The following CEP170 variants were observed in gnomAD, a reference collection of about 807,000 sequenced individuals.
CEP170 encodes the protein centrosomal protein 170.
A neutral mutation model predicts 151.9 loss-of-function variants in CEP170; 21 were observed. The observed-to-expected ratio is 0.14, with a 90% CI of 0.10 to 0.20. CEP170 has a LOEUF of 0.20. Ranked by LOEUF, CEP170 falls within the 10% of genes least tolerant of loss-of-function variation. CEP170 has a pLI of 1.00. For missense variants in CEP170, 964 were observed against 1,892.9 expected, an observed-to-expected ratio of 0.51 and a Z score of 9.11; for synonymous variants, 356 against 648.8, an observed-to-expected ratio of 0.55 and a Z score of 6.86.
chr1:243,163,093 T>C (rs2058192465), intron 13 of CEP170: 1 of 152,124 alleles, frequency 6.6e-6, no homozygotes, highest in Admixed American at 6.6e-5. Context: ...TACAGGTGAA[T>C]GGAGTGGAGG....
In CEP170 at chr1:243,132,361, C is replaced by A. The variant is rs1265711528; in HGVS notation, c.4320-2908G>T. On this transcript the variant is annotated intron_variant, in intron 17 of 19. Transcript: ENST00000366542. ...TTGCCTTTATATCTCTAACTGAGCACTAATCTATTATACGCTATCTTGTAC... is the reference window on the plus strand; with the variant it reads ...TTGCCTTTATATCTCTAACTGAGCAATAATCTATTATACGCTATCTTGTAC... Among the ~76,000 whole-genome samples, 3 of 152,304 alleles carry A rather than the reference C, an allele frequency of 2.0e-5. No individual in the cohort carries two copies. The East Asian group carries it at 5.8e-4, about 29-fold the overall frequency.
chr1:243,242,714 T>C (rs576184091), intron 1 of CEP170, among the ~76,000 whole-genome samples: 3 of 152,150 alleles, frequency 2.0e-5, no homozygotes, highest in East Asian at 1.9e-4. Context: ...TTTTTTTTTT[T>C]CTCCAAGACG....
chr1:243,251,441 C>T (rs898438374), intron 1 of CEP170, among the ~76,000 whole-genome samples: 2 of 152,132 alleles, frequency 1.3e-5, no homozygotes, highest in African/African-American at 2.4e-5. Context: ...GAATGTGTAA[C>T]GCAGAGGCAA....
intron 16 of CEP170, among the ~76,000 whole-genome samples, chr1:243,137,157 A>G (rs1478039406): frequency 6.6e-6 from 1 of 152,248 alleles, no homozygotes; most frequent in African/African-American, 2.4e-5. Context: ...CTTTTACAAA[A>G]CAAGTGACAG....
chr1:243,202,129 T>G (rs1327839892), intron 4 of CEP170, among the ~76,000 whole-genome samples: 1 of 152,056 alleles, frequency 6.6e-6, no homozygotes, highest in Non-Finnish European at 1.5e-5. Flanking sequence ...TAAAAAAGAA[T>G]GAAATAGTGT....
At chr1:243,249,463 T>C (rs931958818) in intron 1 of CEP170, among the ~76,000 whole-genome samples, 1 of 151,616 alleles carries the variant, frequency 6.6e-6, no homozygotes, top group Non-Finnish European at 1.5e-5. Context: ...ATAAAGTTCA[T>C]TGAAGAATAC....
intron 16 of CEP170, 199 bp from the exon 17 acceptor site, chr1:243,136,430 A>C: frequency 1.6e-6 from 1 of 610,714 alleles, no homozygotes; most frequent in South Asian, 2.6e-5. Flanking sequence ...AGGAGTTCTT[A>C]TTATTAAATA....
chr1:243,198,128 T>A (rs2148817645), intron 7 of CEP170, among the ~76,000 whole-genome samples: 1 of 152,178 alleles, frequency 6.6e-6, no homozygotes, highest in South Asian at 2.1e-4. Context: ...GACTTAGTCT[T>A]CCATACTGAG....
At chr1:243,162,581 T>C (rs1170844352) in intron 13 of CEP170, among the ~76,000 whole-genome samples, 2 of 152,224 alleles carry the variant, frequency 1.3e-5, no homozygotes, top group African/African-American at 2.4e-5. Context: ...AATCTGTCTT[T>C]ATATATAGCA....
At chr1:243,155,004 G>A (rs554335494) in intron 14 of CEP170, among the ~76,000 whole-genome samples, 2 of 152,156 alleles carry the variant, frequency 1.3e-5, no homozygotes, top group Non-Finnish European at 1.5e-5. Context: ...GCAGCGCCTG[G>A]AAGTACAAAA....
intron 10 of CEP170, among the ~76,000 whole-genome samples, chr1:243,182,529 C>T (rs2059687522): frequency 6.6e-6 from 1 of 152,080 alleles, no homozygotes; most frequent in African/African-American, 2.4e-5. Context: ...CCATACTTCA[C>T]ACTTCTGACA....
intron 1 of CEP170, among the ~76,000 whole-genome samples, chr1:243,227,871 C>T (rs1572493836): frequency 1.3e-5 from 2 of 152,176 alleles, no homozygotes; most frequent in African/African-American, 4.8e-5. Flanking sequence ...GAGAATGGGG[C>T]TTGGTCATTA....
intron 12 of CEP170, 142 bp downstream of exon 12, chr1:243,169,486 C>T: frequency 6.8e-7 from 1 of 1,472,738 alleles, no homozygotes; most frequent in Non-Finnish European, 9.1e-7. Context: ...TAACTTACTT[C>T]TTACTATATA....
At chr1:243,243,981 A>AT (rs1308242592) in intron 1 of CEP170, among the ~76,000 whole-genome samples, 2 of 152,268 alleles carry the variant, frequency 1.3e-5, no homozygotes, top group East Asian at 1.9e-4. Context: ...CAGTATGTTC[A>AT]TTTTTTAACT....
rs1462256859 is a variant in CEP170, at chr1:243,165,784, C to T, written c.2176G>A (p.Ala726Thr). 6.2e-7 allele frequency: 1 copy of T among 1,614,048 alleles called. No homozygotes were observed. The highest frequency in any genetic ancestry group is 1.3e-5 in the African/African-American group (1 of 75,064). ...NKTLLHLGSSAPGKEKSETDK... is the reference protein window; with the variant it reads ...NKTLLHLGSSTPGKEKSETDK... ...GTTTCACTTTTCTCTTTTCCAGGAG[C>T]AGAGCTGCCTAAGTGAAGTAGGGTT... Residue 726 changes from alanine (A) to threonine (T), a missense_variant, in exon 13 of 20, where the codon GCT (alanine) becomes ACT (threonine). Coordinates refer to ENST00000366542, the MANE Select transcript of CEP170 (RefSeq NM_014812.3).
chr1:243,184,718 T>A (rs1345010780), intron 10 of CEP170, among the ~76,000 whole-genome samples: 1 of 151,978 alleles, frequency 6.6e-6, no homozygotes, highest in Non-Finnish European at 1.5e-5. Flanking sequence ...TTTTCCTGCA[T>A]CCCAAAGGGT....
At chr1:243,253,490 T>C (rs6668649) in intron 1 of CEP170, among the ~76,000 whole-genome samples, 47,959 of 152,144 alleles carry the variant, frequency 0.32, 7,926 homozygotes, top group South Asian at 0.54. Flanking sequence ...CTCTGTCAAG[T>C]GCACTTGGGC....
intron 1 of CEP170, among the ~76,000 whole-genome samples, chr1:243,232,140 AT>A (rs1296962571): frequency 6.6e-6 from 1 of 151,700 alleles, no homozygotes; most frequent in Non-Finnish European, 1.5e-5. Flanking sequence ...TAATTTTTGT[AT>A]TTTTTTAGAG....
chr1:243,147,336 T>C (rs1280036523), intron 14 of CEP170, among the ~76,000 whole-genome samples: 2 of 152,266 alleles, frequency 1.3e-5, no homozygotes, highest in Non-Finnish European at 2.9e-5. Flanking sequence ...ATTCTGCCAC[T>C]TAACTGGATA....
Sources: allele counts gnomAD v4.1 joint callset (sites outside exome capture counted in the v4.1 genomes callset), GRCh38; gene constraint gnomAD v4.1.1; transcripts MANE v1.5; gene names NCBI Gene and HGNC (gene_info 2026-07-23, HGNC 2026-07-21).